The following FILIP1L variants were observed in gnomAD, a reference collection of about 807,000 sequenced individuals.
The protein encoded by FILIP1L is filamin A-interacting protein 1-like.
A neutral mutation model predicts 96.6 loss-of-function variants in FILIP1L; 55 were observed. That is an observed-to-expected ratio of 0.57 (90% CI 0.46 to 0.71). FILIP1L has a LOEUF of 0.71. FILIP1L is among the 30% of genes least tolerant of loss of function. The pLI, the probability that FILIP1L is intolerant of heterozygous loss-of-function variation, is 0.00. For missense variants in FILIP1L, 1,304 were observed against 1,321.2 expected (o/e 0.99, Z 0.20); for synonymous variants, 467 against 473.9 (o/e 0.99, Z 0.19).
chr3:100,025,238 C>T (rs2064897228), intron 1 of FILIP1L, among the ~76,000 whole-genome samples: 1 of 152,170 alleles, frequency 6.6e-6, no homozygotes. Context: ...CAGCCCCATA[C>T]TGTTTGTGGC....
chr3:99,873,050 C>T (rs995996045), intron 4 of FILIP1L, among the ~76,000 whole-genome samples: 1 of 151,868 alleles, frequency 6.6e-6, no homozygotes, highest in Non-Finnish European at 1.5e-5. Context: ...AGAAAATGAC[C>T]AGCCATAGGA....
At chr3:99,973,816 A>G (rs886143907) in intron 1 of FILIP1L, among the ~76,000 whole-genome samples, 8 of 152,182 alleles carry the variant, frequency 5.3e-5, no homozygotes, top group Non-Finnish European at 1.0e-4. Context: ...AAATACCTCT[A>G]TTCCTAGGCC....
chr3:100,032,559 T>C (rs1284546035), intron 1 of FILIP1L, among the ~76,000 whole-genome samples: 1 of 152,188 alleles, frequency 6.6e-6, no homozygotes. Flanking sequence ...CATAACATTG[T>C]AAAGCTCACA....
intron 4 of FILIP1L, among the ~76,000 whole-genome samples, chr3:99,885,385 CTTA>C (rs1254767660): frequency 2.0e-5 from 3 of 152,184 alleles, no homozygotes; most frequent in Non-Finnish European, 4.4e-5. Flanking sequence ...ACAAACTTAT[CTTA>C]TTATTGCTAA....
intron 1 of FILIP1L, chr3:100,041,506 A>G (rs1307359162): frequency 1.3e-5 from 2 of 152,204 alleles, no homozygotes; most frequent in East Asian, 3.8e-4. Flanking sequence ...GTGATGTTAC[A>G]AAAAAGCAAA....
rs951343331 is a variant in FILIP1L, at chr3:99,830,143, A to G, written c.*271T>C. On this transcript the variant is annotated 3_prime_UTR_variant, in exon 6 of 6. Coordinates refer to ENST00000477258, the MANE Select transcript of FILIP1L (RefSeq NM_001387850.1). The stretch of plus-strand genomic sequence containing the variant: ...CAGTCCTATCCCAGGCTGATTCTAG[A>G]TAGTTCATCTTTGGGTTAGATTATA... 1 of 228,086 alleles carries G rather than the reference A, an allele frequency of 4.4e-6. No individual in the cohort carries two copies. The highest frequency in any genetic ancestry group is 9.0e-6 in the Non-Finnish European group (1 of 111,478). 14.1% of individuals were successfully genotyped at this position (228,086 alleles called of 1,614,324 possible). A position where few individuals can be genotyped will look rare whatever the true frequency, so the allele number is the denominator to read the frequency against.
intron 1 of FILIP1L, among the ~76,000 whole-genome samples, chr3:100,064,803 A>G (rs987785060): frequency 2.6e-5 from 4 of 152,074 alleles, no homozygotes; most frequent in African/African-American, 7.2e-5. Flanking sequence ...ACAAACAGCT[A>G]ATTTTTTAAG....
At chr3:99,872,203 A>G (rs1944824972) in intron 4 of FILIP1L, among the ~76,000 whole-genome samples, 1 of 150,010 alleles carries the variant, frequency 6.7e-6, no homozygotes, top group Non-Finnish European at 1.5e-5. Context: ...AAAGTGAGGC[A>G]TTTGGATCAG....
rs2065735701 is a variant in FILIP1L, at chr3:100,070,069, C to T, written c.-11+43984G>A. The stretch of plus-strand genomic sequence containing the variant: ...AACAGTATTTGATTAAGGATGTACA[C>T]ATGGCACTGTCATAAGGTATGCAGA... On this transcript the variant is annotated intron_variant, in intron 1 of 5. Coordinates refer to ENST00000477258, the MANE Select transcript of FILIP1L (RefSeq NM_001387850.1). Among the ~76,000 whole-genome samples, 3 of 152,294 alleles carry T rather than the reference C, an allele frequency of 2.0e-5. No individual in the cohort carries two copies. The South Asian group carries it at 6.2e-4, about 32-fold the overall frequency.
At chr3:99,871,308 A>G (rs1944774525) in intron 4 of FILIP1L, among the ~76,000 whole-genome samples, 1 of 151,936 alleles carries the variant, frequency 6.6e-6, no homozygotes, top group African/African-American at 2.4e-5. Context: ...TTGCAGAAAC[A>G]CTTTTTTTTT....
chr3:99,877,201 A>G (rs889696144), intron 4 of FILIP1L, among the ~76,000 whole-genome samples: 2 of 152,252 alleles, frequency 1.3e-5, no homozygotes, highest in Admixed American at 6.5e-5. Flanking sequence ...TGCAAGCTTC[A>G]GATGAGTAAT....
intron 1 of FILIP1L, among the ~76,000 whole-genome samples, chr3:99,967,249 A>G (rs1229779724): frequency 6.6e-6 from 1 of 152,190 alleles, no homozygotes; most frequent in East Asian, 1.9e-4. Context: ...CTGTAAAATA[A>G]TAGTCCCTCT....
rs1242652792 is a variant in FILIP1L at position 100,095,161 on chromosome 3, A to G, written c.-11+18892T>C. ...TAGTTAAAAAAGTCTTGAAATAGGT[A>G]CACTGATTCCTCCCACTTTCTCTTC... On this transcript the variant is annotated intron_variant, in intron 1 of 5. Coordinates refer to ENST00000477258, the MANE Select transcript of FILIP1L (RefSeq NM_001387850.1). 2.6e-5 allele frequency among the ~76,000 whole-genome samples: 4 copies of G among 152,174 alleles called. No homozygotes were observed. The East Asian group carries it at 7.7e-4, about 29-fold the overall frequency.
chr3:100,067,335 G>A (rs182002156), intron 1 of FILIP1L, among the ~76,000 whole-genome samples: 65 of 152,312 alleles, frequency 4.3e-4, no homozygotes, highest in Non-Finnish European at 6.6e-4. Flanking sequence ...TGGTGCAGGT[G>A]AAAGTCTAGA....
chr3:100,007,457 A>G (rs1403558129), intron 1 of FILIP1L, among the ~76,000 whole-genome samples: 1 of 152,188 alleles, frequency 6.6e-6, no homozygotes, highest in Non-Finnish European at 1.5e-5. Context: ...CCACAGAAAA[A>G]AATGAGAAGA....
In FILIP1L at chr3:100,107,877, TAA is replaced by T. The variant is rs11322494; in HGVS notation, c.-11+6174_-11+6175del. Among the ~76,000 whole-genome samples, 727 of 129,996 alleles carry T rather than the reference TAA, an allele frequency of 5.6e-3. 8 individuals carry two copies. The highest frequency in any genetic ancestry group is 0.018 in the African/African-American group (618 of 34,240). The allele number at this position is 129,996 out of a possible 152,430, so 85.3% of individuals were successfully genotyped here. A position where few individuals can be genotyped will look rare whatever the true frequency, so the allele number is the denominator to read the frequency against. On this transcript the variant is annotated intron_variant, in intron 1 of 5. Transcript: ENST00000477258. ...TTATGGTAGAAGAGAGCAAGAGAAT[TAA>T]AAAAAAAAAAAAAAAAGTTACTTGC...
In FILIP1L at chr3:100,030,193, A is replaced by G. The variant is rs528985551; in HGVS notation, c.-11+83860T>C. Among the ~76,000 whole-genome samples, 3 of 152,292 alleles carry G rather than the reference A, an allele frequency of 2.0e-5. No individual in the cohort carries two copies. The East Asian group carries it at 5.8e-4, about 29-fold the overall frequency. ...TTGGAATTTGGAACTCCTATTTTCT[A>G]GTTTAATATTATTTTCTCTACTCTT... On this transcript the variant is annotated intron_variant, in intron 1 of 5. Transcript: ENST00000477258.
At chr3:100,054,636 A>T (rs529132714) in intron 1 of FILIP1L, among the ~76,000 whole-genome samples, 16 of 152,160 alleles carry the variant, frequency 1.1e-4, no homozygotes, top group African/African-American at 3.4e-4. Flanking sequence ...AATCTTGCAG[A>T]TGTGGCTCAA....
chr3:100,080,640 C>T lies in FILIP1L; in HGVS notation c.-11+33413G>A, dbSNP rs1256399105. ...AGGAGTGATGCCTTGTTCTGTTCTC[C>T]CGATAGCAAGAGGCAGTGGGGATGG... On this transcript the variant is annotated intron_variant, in intron 1 of 5. Transcript: ENST00000477258. Among the ~76,000 whole-genome samples the T allele has an allele frequency of 2.0e-5, 3 of 152,142 alleles. No homozygotes were observed. In the East Asian group the frequency reaches 5.8e-4, roughly 29 times the overall value.
Sources: gnomAD v4.1 joint callset for allele counts (sites outside exome capture counted in the v4.1 genomes callset) on GRCh38, gnomAD v4.1.1 for gene constraint, MANE v1.5 for transcripts, NCBI Gene and HGNC (gene_info 2026-07-23, HGNC 2026-07-21) for gene names.